The following EGF variants were observed in gnomAD, a reference collection of about 807,000 sequenced individuals.
The protein encoded by EGF is pro-epidermal growth factor.
A neutral mutation model predicts 143.8 loss-of-function variants in EGF; 95 were observed. The observed-to-expected ratio is 0.66, with a 90% CI of 0.56 to 0.78. EGF has a LOEUF of 0.78. EGF is among the 30% of genes least tolerant of loss of function. The pLI, the probability that EGF is intolerant of heterozygous loss-of-function variation, is 0.00. For missense variants in EGF, 1,320 were observed against 1,470.9 expected, an observed-to-expected ratio of 0.90 and a Z score of 1.68; for synonymous variants, 510 against 510.5, an observed-to-expected ratio of 1.00 and a Z score of 0.01.
chr4:109,960,786 G>A (rs538008849), intron 6 of EGF, 81 bp from the exon 7 acceptor site: 10 of 1,539,918 alleles, frequency 6.5e-6, no homozygotes, highest in Admixed American at 3.4e-5. Flanking sequence ...GATACCCTGC[G>A]TTGTGATGAC....
At position 109,987,743 on chromosome 4, in the gene EGF, G is replaced by T; in HGVS notation, c.2492-1G>T. The T allele has an allele frequency of 6.2e-7, 1 of 1,609,786 alleles. No homozygotes were observed. Among genetic ancestry groups the T allele is most frequent in the Non-Finnish European group, 8.5e-7 (1 of 1,176,148 alleles). On this transcript the variant is annotated splice_acceptor_variant, in intron 16 of 23. Coordinates refer to ENST00000265171, the MANE Select transcript of EGF (RefSeq NM_001963.6). LOFTEE classifies it high-confidence loss of function. ...CTGCACGGGATTCTTGCTATTTGTA[G>T]ATCAAGATGACTGTGCTCCTGTGGG...
intron 22 of EGF, among the ~76,000 whole-genome samples, chr4:110,004,922 T>C (rs902105878): frequency 6.6e-6 from 1 of 152,134 alleles, no homozygotes; most frequent in Non-Finnish European, 1.5e-5. Flanking sequence ...ATGTGTTATG[T>C]GAAGGCTTTC....
In EGF at chr4:110,012,760, T is replaced by C. The variant is rs989074262; in HGVS notation, c.*1305T>C. Reference sequence around the variant, plus strand: ...AATCTACAACTCTGTAGATTAAAATTTCACATGGTGTTCTAATTAAATATT... The same window carrying C: ...AATCTACAACTCTGTAGATTAAAATCTCACATGGTGTTCTAATTAAATATT... On this transcript the variant is annotated 3_prime_UTR_variant, in exon 24 of 24. Coordinates refer to ENST00000265171, the MANE Select transcript of EGF (RefSeq NM_001963.6). 2.8e-4 allele frequency among the ~76,000 whole-genome samples: 43 copies of C among 152,328 alleles called. No individual in the cohort carries two copies. Among genetic ancestry groups the C allele is most frequent in the African/African-American group, 9.9e-4 (41 of 41,582 alleles).
intron 2 of EGF, among the ~76,000 whole-genome samples, chr4:109,941,498 T>C (rs1190970412): frequency 6.6e-6 from 1 of 152,164 alleles, no homozygotes; most frequent in Non-Finnish European, 1.5e-5. Context: ...AATTTTTCCC[T>C]GAGGGAACAA....
chr4:109,982,239 C>T (rs1413939346), intron 15 of EGF, among the ~76,000 whole-genome samples: 2 of 151,750 alleles, frequency 1.3e-5, no homozygotes, highest in Non-Finnish European at 2.9e-5. Context: ...GAACTTCTGG[C>T]CTCAAGTGGT....
At chr4:109,915,607 C>G (rs745574049) in intron 1 of EGF, among the ~76,000 whole-genome samples, 1 of 152,198 alleles carries the variant, frequency 6.6e-6, no homozygotes, top group Non-Finnish European at 1.5e-5. Context: ...TGATAACTGC[C>G]TGGGTCACCC....
At chr4:109,968,934 A>T (rs778257258) in intron 10 of EGF, 37 bp from the exon 11 acceptor site, 59 of 1,552,348 alleles carry the variant, frequency 3.8e-5, no homozygotes, top group African/African-American at 1.8e-4. Context: ...CATTAGTTTT[A>T]AAAAAAAATC....
At position 109,980,881 on chromosome 4, in the gene EGF, G is replaced by T; in HGVS notation, c.2277G>T (p.Arg759Ser). The T allele has an allele frequency of 6.2e-7, 1 of 1,614,072 alleles. No homozygotes were observed. The highest frequency in any genetic ancestry group is 8.5e-7 in the Non-Finnish European group (1 of 1,179,974). The part of the protein sequence containing the change: ...NGGCEHICKK[R>S]LGTAWCSCRE... ...GCTGTGAACATATTTGCAAAAAGAG[G>T]CTTGGAACTGCTTGGTGTTCGTGTC... Residue 759 changes from arginine to serine, a missense_variant, in exon 15 of 24, where the codon AGG (arginine) becomes AGT (serine). This residue lies in a region of EGF where 1,186 missense variants were observed against 1,313.7 expected (regional missense o/e 0.90). Coordinates refer to ENST00000265171, the MANE Select transcript of EGF (RefSeq NM_001963.6).
rs1406300753 is a variant in EGF, at chr4:109,990,756, C to A, written c.2734+2047C>A. ...ACCTGCTCACTGTGTTCTCATATGGCCTTCCCTCTTTGATGTGGAGAGAGA... is the reference window on the plus strand; with the variant it reads ...ACCTGCTCACTGTGTTCTCATATGGACTTCCCTCTTTGATGTGGAGAGAGA... On this transcript the variant is annotated intron_variant, in intron 18 of 23. Transcript: ENST00000265171. 2.0e-5 allele frequency among the ~76,000 whole-genome samples: 3 copies of A among 152,064 alleles called. No individual in the cohort carries two copies. In the East Asian group the frequency reaches 5.8e-4, roughly 29 times the overall value.
chr4:109,925,687 A>G (rs567497337), intron 1 of EGF, among the ~76,000 whole-genome samples: 12 of 152,346 alleles, frequency 7.9e-5, no homozygotes, highest in Admixed American at 1.3e-4. Context: ...ATTCTTTTCT[A>G]TGAGAGAGTA....
chr4:109,943,543 C>T, intron 3 of EGF, 108 bp downstream of exon 3: 1 of 1,289,208 alleles, frequency 7.8e-7, no homozygotes, highest in Non-Finnish European at 1.1e-6. Context: ...AGACCAAAGC[C>T]CTCTTTTGCA....
chr4:109,932,057 G>A (rs116063769), intron 1 of EGF, among the ~76,000 whole-genome samples: 2,169 of 152,002 alleles, frequency 0.014, 49 homozygotes, highest in African/African-American at 0.049. Context: ...GTTATGTTGA[G>A]GATAAATGAG....
Position 109,967,352 on chromosome 4 carries a change from G to A in EGF, c.1576-1619G>A, listed in dbSNP as rs147441163. 4.1e-4 allele frequency among the ~76,000 whole-genome samples: 62 copies of A among 152,210 alleles called. No homozygotes were observed. The East Asian group carries it at 0.012, about 28-fold the overall frequency. ...CTTTGTCAAAGATCAGTTGGTTGTA[G>A]GCATATGACTTTAAATCTGGGTTCT... On this transcript the variant is annotated intron_variant, in intron 10 of 23. Transcript: ENST00000265171.
chr4:109,920,033 T>C (rs1255401938), intron 1 of EGF, among the ~76,000 whole-genome samples: 2 of 151,662 alleles, frequency 1.3e-5, no homozygotes, highest in Non-Finnish European at 2.9e-5. Context: ...TTTTTATCGT[T>C]GATGCATAGG....
chr4:109,933,753 C>T (rs1392400879), intron 1 of EGF, among the ~76,000 whole-genome samples: 2 of 152,158 alleles, frequency 1.3e-5, no homozygotes. Flanking sequence ...GACATGAACT[C>T]ATCCTTTTTT....
intron 1 of EGF, among the ~76,000 whole-genome samples, chr4:109,922,414 A>G (rs1737962361): frequency 6.6e-6 from 1 of 151,712 alleles, no homozygotes; most frequent in Non-Finnish European, 1.5e-5. Context: ...GTCTTTCAAT[A>G]CTGACATGTT....
intron 13 of EGF, among the ~76,000 whole-genome samples, 200 bp from the exon 14 acceptor site, chr4:109,979,772 C>T (rs1749053590): frequency 6.6e-6 from 1 of 152,134 alleles, no homozygotes; most frequent in African/African-American, 2.4e-5. Context: ...CACTATGCTC[C>T]CATTCTAAGG....
chr4:109,964,307 G>T (rs1285186858), intron 9 of EGF, 94 bp from the exon 10 acceptor site: 1 of 1,550,938 alleles, frequency 6.4e-7, no homozygotes, highest in East Asian at 2.2e-5. Flanking sequence ...GTAGAAATTG[G>T]GTAAAAAGGT....
chr4:109,949,679 C>T (rs1457591405), intron 5 of EGF, among the ~76,000 whole-genome samples: 3 of 150,784 alleles, frequency 2.0e-5, no homozygotes, highest in African/African-American at 4.9e-5. Flanking sequence ...GCATAATGAG[C>T]GTCAAGCTGC....
Sources: allele counts gnomAD v4.1 joint callset (sites outside exome capture counted in the v4.1 genomes callset), GRCh38; gene constraint gnomAD v4.1.1; regional missense constraint gnomAD v4.1.1; transcripts MANE v1.5; gene names NCBI Gene and HGNC (gene_info 2026-07-23, HGNC 2026-07-21).